PTPRG: variants seen among roughly 807,000 people sequenced by gnomAD.
The protein encoded by PTPRG is receptor-type tyrosine-protein phosphatase gamma.
PTPRG carries 102 observed loss-of-function variants against 165.3 expected under a neutral mutation model. The ratio of observed to expected loss-of-function variants is 0.62; its 90% CI spans 0.53 to 0.73. The LOEUF is 0.73. PTPRG is among the 30% of genes least tolerant of loss of function. The probability of loss-of-function intolerance (pLI) is 0.00; values close to 1 mark genes in which losing one functional copy is unlikely to be tolerated. For missense variants in PTPRG, 1,866 were observed against 1,861.4 expected, an observed-to-expected ratio of 1.00 and a Z score of -0.05; for synonymous variants, 675 against 669.5, an observed-to-expected ratio of 1.01 and a Z score of -0.13.
chr3:61,563,944 G>T, intron 1 of PTPRG, among the ~76,000 whole-genome samples: 1 of 150,904 alleles, frequency 6.6e-6, no homozygotes, highest in African/African-American at 2.4e-5. Flanking sequence ...CCGCGGAGCG[G>T]CACGGAGCTC....
intron 2 of PTPRG, among the ~76,000 whole-genome samples, chr3:61,967,202 T>C (rs2040290476): frequency 6.6e-6 from 1 of 152,204 alleles, no homozygotes; most frequent in African/African-American, 2.4e-5. Flanking sequence ...TAGGGCCTAT[T>C]GCAGTTATCA....
At chr3:61,749,063 C>G (rs752276881) in intron 2 of PTPRG, 81 bp downstream of exon 2, 4 of 1,099,908 alleles carry the variant, frequency 3.6e-6, no homozygotes, top group Non-Finnish European at 5.5e-6. Context: ...CTTTGAATCA[C>G]TTTTATGCCT....
intron 16 of PTPRG, 32 bp from the exon 17 acceptor site, chr3:62,262,766 T>C: frequency 1.3e-6 from 2 of 1,525,908 alleles, no homozygotes; most frequent in Non-Finnish European, 1.8e-6. Flanking sequence ...GTTTCTAAAC[T>C]GTGTCTATAA....
chr3:62,197,435 C>T lies in PTPRG; in HGVS notation c.1327+2265C>T, dbSNP rs115727077. ...TGCTAATGTTCACATTGATCTCATC[C>T]TTCCATTTAAACTAATGGAAATGAG... On this transcript the variant is annotated intron_variant, in intron 10 of 29. Coordinates refer to ENST00000474889, the MANE Select transcript of PTPRG (RefSeq NM_002841.4). Among the ~76,000 whole-genome samples the T allele has an allele frequency of 5.3e-3, 813 of 152,294 alleles. 4 individuals carry two copies. The highest frequency in any genetic ancestry group is 8.9e-3 in the South Asian group (43 of 4,818).
intron 5 of PTPRG, among the ~76,000 whole-genome samples, chr3:62,095,457 ACTGTCT>A (rs1702079841): frequency 6.6e-6 from 1 of 152,182 alleles, no homozygotes; most frequent in Admixed American, 6.5e-5. Context: ...GAAGAGTGTT[ACTGTCT>A]CAGCCTGTCT....
At chr3:61,848,209 G>A (rs2036859536) in intron 2 of PTPRG, among the ~76,000 whole-genome samples, 1 of 152,188 alleles carries the variant, frequency 6.6e-6, no homozygotes, top group African/African-American at 2.4e-5. Context: ...TTAGGCTTGG[G>A]GTAGAGGTGA....
chr3:61,823,207 T>C (rs904597352), intron 2 of PTPRG, among the ~76,000 whole-genome samples: 4 of 152,206 alleles, frequency 2.6e-5, no homozygotes, highest in African/African-American at 9.7e-5. Context: ...TGTTTTTGTT[T>C]TGAGATGGAG....
At chr3:62,256,953 A>C (rs144210827) in intron 16 of PTPRG, among the ~76,000 whole-genome samples, 286 of 152,304 alleles carry the variant, frequency 1.9e-3, no homozygotes, top group African/African-American at 6.5e-3. Flanking sequence ...TAAAAGCTTT[A>C]ATCGCCTACA....
chr3:62,039,062 G>C (rs1700041669), intron 4 of PTPRG, among the ~76,000 whole-genome samples: 1 of 152,168 alleles, frequency 6.6e-6, no homozygotes, highest in African/African-American at 2.4e-5. Context: ...AGCCTCCTGA[G>C]TAGCTGGAAC....
At chr3:61,908,031 G>A (rs190181538) in intron 2 of PTPRG, among the ~76,000 whole-genome samples, 1 of 150,644 alleles carries the variant, frequency 6.6e-6, no homozygotes, top group East Asian at 2.0e-4. Context: ...TGAGGCAAGA[G>A]GATGGCTTGA....
intron 1 of PTPRG, among the ~76,000 whole-genome samples, chr3:61,572,809 A>T (rs1002499753): frequency 2.6e-5 from 4 of 152,306 alleles, no homozygotes; most frequent in East Asian, 1.9e-4. Flanking sequence ...TGGGGCACAC[A>T]CCTGTCCCGT....
chr3:61,788,260 A>G (rs1159311010), intron 2 of PTPRG, among the ~76,000 whole-genome samples: 1 of 152,176 alleles, frequency 6.6e-6, no homozygotes, highest in African/African-American at 2.4e-5. Flanking sequence ...GGACTATTAG[A>G]TGTATAATAA....
At chr3:61,578,035 C>T (rs1460789664) in intron 1 of PTPRG, among the ~76,000 whole-genome samples, 1 of 152,160 alleles carries the variant, frequency 6.6e-6, no homozygotes, top group Non-Finnish European at 1.5e-5. Flanking sequence ...CAGGCCTTGG[C>T]ATCTAGGGAG....
At chr3:62,073,423 C>A (rs1398666933) in intron 4 of PTPRG, among the ~76,000 whole-genome samples, 2 of 152,186 alleles carry the variant, frequency 1.3e-5, no homozygotes, top group Non-Finnish European at 1.5e-5. Context: ...ATAAATACCT[C>A]CAATAGCGGG....
chr3:61,822,774 A>T (rs924858198), intron 2 of PTPRG, among the ~76,000 whole-genome samples: 1 of 152,184 alleles, frequency 6.6e-6, no homozygotes, highest in Non-Finnish European at 1.5e-5. Context: ...TGGTGTAGCA[A>T]CCTTTACCCT....
At chr3:62,000,991 C>A (rs1311840404) in intron 3 of PTPRG, among the ~76,000 whole-genome samples, 1 of 149,692 alleles carries the variant, frequency 6.7e-6, no homozygotes, top group Non-Finnish European at 1.5e-5. Context: ...GTTGGGTAAC[C>A]TTCCTGAGGT....
At chr3:61,775,755 C>A (rs2107049957) in intron 2 of PTPRG, among the ~76,000 whole-genome samples, 1 of 152,148 alleles carries the variant, frequency 6.6e-6, no homozygotes, top group Non-Finnish European at 1.5e-5. Flanking sequence ...CCATAAAAAA[C>A]CATGAGTTCA....
chr3:62,148,221 G>C (rs755024890), intron 6 of PTPRG, among the ~76,000 whole-genome samples: 1 of 152,128 alleles, frequency 6.6e-6, no homozygotes, highest in African/African-American at 2.4e-5. Flanking sequence ...AGACATGAAG[G>C]ATGAAAAGGC....
Position 61,947,378 on chromosome 3 carries a change from G to T in PTPRG, c.191-42247G>T, listed in dbSNP as rs149537614. ...ATACAAAATACGTGACATAAGGAAG[G>T]GTTCATTTCAGCAGCAATGGTTCTG... is the stretch of plus-strand genomic sequence containing the variant. On this transcript the variant is annotated intron_variant, in intron 2 of 29. Transcript: ENST00000474889. 1.7e-3 allele frequency among the ~76,000 whole-genome samples: 253 copies of T among 152,262 alleles called. 8 individuals are homozygous for T. The East Asian group carries it at 0.041, about 25-fold the overall frequency.
Sources: allele counts gnomAD v4.1 joint callset (sites outside exome capture counted in the v4.1 genomes callset), GRCh38; gene constraint gnomAD v4.1.1; transcripts MANE v1.5; gene names NCBI Gene and HGNC (gene_info 2026-07-23, HGNC 2026-07-21).